The following SLC39A14 variants were observed in gnomAD, a reference collection of about 807,000 sequenced individuals.
SLC39A14 encodes the protein metal cation symporter ZIP14.
A neutral mutation model predicts 45.5 loss-of-function variants in SLC39A14; 19 were observed. That is an observed-to-expected ratio of 0.42 (90% CI 0.29 to 0.61). The LOEUF (loss-of-function observed/expected upper bound fraction) is 0.61. SLC39A14 is among the 20% of genes least tolerant of loss of function. The pLI, the probability that SLC39A14 is intolerant of heterozygous loss-of-function variation, is 0.22. For missense variants in SLC39A14, 447 were observed against 616.5 expected (o/e 0.73, Z 2.91); for synonymous variants, 264 against 251.3 (o/e 1.05, Z -0.48).
chr8:22,381,259 AC>A (rs1366479297), intron 1 of SLC39A14, among the ~76,000 whole-genome samples: 4 of 151,164 alleles, frequency 2.6e-5, no homozygotes, highest in Non-Finnish European at 5.9e-5. Context: ...GGCATGAGCC[AC>A]CGCGCCCAGC....
chr8:22,377,207 T>C (rs1271181865), intron 1 of SLC39A14, among the ~76,000 whole-genome samples: 1 of 152,214 alleles, frequency 6.6e-6, no homozygotes, highest in African/African-American at 2.4e-5. Flanking sequence ...AGGCTCAAAT[T>C]GTTCTAGCTT....
At chr8:22,368,143 A>T (rs1220740391) in intron 1 of SLC39A14, among the ~76,000 whole-genome samples, 2 of 152,160 alleles carry the variant, frequency 1.3e-5, no homozygotes, top group Non-Finnish European at 2.9e-5. Flanking sequence ...TTCTCTAAAC[A>T]GTTAAAGGGC....
chr8:22,402,586 AT>A (rs1257861166), intron 1 of SLC39A14, among the ~76,000 whole-genome samples: 2 of 151,844 alleles, frequency 1.3e-5, no homozygotes, highest in Non-Finnish European at 2.9e-5. Flanking sequence ...CCTGACCAAC[AT>A]GGTAAAACCC....
chr8:22,431,124 A>C (rs13282458), intron 8 of SLC39A14, among the ~76,000 whole-genome samples: 47,193 of 151,276 alleles, frequency 0.31, 7,610 homozygotes, highest in East Asian at 0.5. Context: ...AGTAGCTGGG[A>C]CTACAGGCAC....
chr8:22,421,691 G>A lies in SLC39A14; in HGVS notation c.*1993G>A, dbSNP rs1343483890. On this transcript the variant is annotated 3_prime_UTR_variant, in exon 9 of 9. Coordinates refer to ENST00000381237, the MANE Select transcript of SLC39A14 (RefSeq NM_001128431.4). ...GGAAGATTTTGCTTTAACCTAACTC[G>A]CATTGATGTATTAAATTTATAATTT... The A allele has an allele frequency of 1.3e-5, 13 of 984,310 alleles. No homozygotes were observed. The highest frequency in any genetic ancestry group is 3.5e-5 in the African/African-American group (2 of 57,186). 61.0% of individuals were successfully genotyped at this position (984,310 alleles called of 1,614,324 possible).
chr8:22,400,929 A>G (rs1834816989), intron 1 of SLC39A14, among the ~76,000 whole-genome samples: 1 of 152,196 alleles, frequency 6.6e-6, no homozygotes, highest in Admixed American at 6.5e-5. Flanking sequence ...GCTAAATTTT[A>G]TTGAGTGCTT....
At chr8:22,405,782 G>A (rs1036792821) in intron 2 of SLC39A14, among the ~76,000 whole-genome samples, 1 of 151,906 alleles carries the variant, frequency 6.6e-6, no homozygotes, top group African/African-American at 2.4e-5. Flanking sequence ...GGGCTGGAAC[G>A]CCAGGTCTTT....
chr8:22,391,847 C>T (rs1170988513), intron 1 of SLC39A14, among the ~76,000 whole-genome samples: 1 of 152,098 alleles, frequency 6.6e-6, no homozygotes, highest in Non-Finnish European at 1.5e-5. Context: ...GGATTACGGG[C>T]ATGAGCCACC....
At chr8:22,384,032 C>T (rs1219447196) in intron 1 of SLC39A14, among the ~76,000 whole-genome samples, 1 of 152,144 alleles carries the variant, frequency 6.6e-6, no homozygotes, top group African/African-American at 2.4e-5. Flanking sequence ...GCTCCTCGGC[C>T]GCCCCCTAAC....
intron 4 of SLC39A14, among the ~76,000 whole-genome samples, chr8:22,414,307 ATTAC>A (rs1436869268): frequency 6.6e-6 from 1 of 152,184 alleles, no homozygotes; most frequent in Non-Finnish European, 1.5e-5. Context: ...TGCAGTTCTT[ATTAC>A]TTAACTGGGA....
chr8:22,370,118 T>G (rs1832847544), intron 1 of SLC39A14, among the ~76,000 whole-genome samples: 1 of 152,156 alleles, frequency 6.6e-6, no homozygotes. Context: ...GGAGTAACAA[T>G]GCCTGTGTGT....
chr8:22,397,933 G>A (rs983411004), intron 1 of SLC39A14, among the ~76,000 whole-genome samples: 76 of 152,304 alleles, frequency 5.0e-4, no homozygotes, highest in African/African-American at 1.8e-3. Context: ...TTACTGTCTT[G>A]TGGACGGTCA....
At chr8:22,415,099 G>A in intron 5 of SLC39A14, 197 bp downstream of exon 5, 1 of 597,432 alleles carries the variant, frequency 1.7e-6, no homozygotes, top group Non-Finnish European at 2.8e-6. Context: ...CCAGAAACTA[G>A]ATCTGGCCAG....
chr8:22,410,128 A>G (rs757102178), intron 3 of SLC39A14: 3 of 1,614,010 alleles, frequency 1.9e-6, no homozygotes, highest in Non-Finnish European at 2.5e-6. Context: ...GCAGTAGAAC[A>G]GAAACTTGCG....
At position 22,395,840 on chromosome 8, in the gene SLC39A14, C is replaced by G. The variant is rs527771296; in HGVS notation, c.-15-8856C>G. 6.0e-4 allele frequency among the ~76,000 whole-genome samples: 91 copies of G among 152,284 alleles called. 2 individuals carry two copies. In the South Asian group the frequency reaches 0.019, roughly 31 times the overall value. On this transcript the variant is annotated intron_variant, in intron 1 of 8. Transcript: ENST00000381237. ...TCCTCTTCCTCATGTGAGTGCAGTT[C>G]TGCTCACATGTTCTGTTGGCTCTAA...
chr8:22,368,811 C>T (rs1832784446), intron 1 of SLC39A14, among the ~76,000 whole-genome samples: 1 of 152,184 alleles, frequency 6.6e-6, no homozygotes, highest in Admixed American at 6.5e-5. Context: ...GCTGGGATTA[C>T]AGGCGTGAGC....
intron 8 of SLC39A14, among the ~76,000 whole-genome samples, chr8:22,432,193 T>A (rs1836476666): frequency 6.6e-6 from 1 of 151,894 alleles, no homozygotes; most frequent in African/African-American, 2.4e-5. Flanking sequence ...TAGCTGGACA[T>A]GGCAGTGGCA....
In SLC39A14 at chr8:22,404,626, C is replaced by T. The variant is rs7012503; in HGVS notation, c.-15-70C>T. On this transcript the variant is annotated intron_variant, in intron 1 of 8. Coordinates refer to ENST00000381237, the MANE Select transcript of SLC39A14 (RefSeq NM_001128431.4). Reference sequence around the variant, plus strand: ...TAGTCTCAACATGTTCAGTGTGTGGCGGGCGGGCCTGGCGCAGTTGCCGGC... The same window carrying T: ...TAGTCTCAACATGTTCAGTGTGTGGTGGGCGGGCCTGGCGCAGTTGCCGGC... The T allele has an allele frequency of 0.039, 56,899 of 1,442,082 alleles. 1,258 individuals are homozygous for T. Among genetic ancestry groups the T allele is most frequent in the Non-Finnish European group, 0.045 (47,456 of 1,047,724 alleles). The allele number at this position is 1,442,082 out of a possible 1,614,324, so 89.3% of individuals were successfully genotyped here. A position where few individuals can be genotyped will look rare whatever the true frequency, so the allele number is the denominator to read the frequency against.
chr8:22,410,242 C>G (rs1387873670), intron 3 of SLC39A14: 14 of 943,682 alleles, frequency 1.5e-5, no homozygotes, highest in East Asian at 7.7e-5. Flanking sequence ...ACCTGTCCCT[C>G]GTATCAAAGC....
Sources: gnomAD v4.1 joint callset for allele counts (sites outside exome capture counted in the v4.1 genomes callset) on GRCh38, gnomAD v4.1.1 for gene constraint, MANE v1.5 for transcripts, NCBI Gene and HGNC (gene_info 2026-07-23, HGNC 2026-07-21) for gene names.